The following AFAP1 variants were observed in gnomAD, a reference collection of about 807,000 sequenced individuals.
AFAP1 encodes the protein actin filament associated protein 1.
A neutral mutation model predicts 93.9 loss-of-function variants in AFAP1; 75 were observed. That is an observed-to-expected ratio of 0.80 (90% CI 0.66 to 0.97). The LOEUF (loss-of-function observed/expected upper bound fraction) is 0.97. AFAP1 is among the 50% of genes least tolerant of loss of function. AFAP1 has a pLI of 0.00. For synonymous variants in AFAP1, 517 were observed against 430.7 expected (o/e 1.20, Z -2.48); for missense variants, 1,201 against 1,050.8 (o/e 1.14, Z -1.98).
intron 1 of AFAP1, among the ~76,000 whole-genome samples, chr4:7,877,176 T>C (rs1717560668): frequency 1.3e-5 from 2 of 151,826 alleles, no homozygotes; most frequent in Admixed American, 6.6e-5. Context: ...CCTATGTTTA[T>C]CTCCTAACAC....
intron 11 of AFAP1, among the ~76,000 whole-genome samples, chr4:7,788,186 G>A (rs1169185277): frequency 1.3e-5 from 2 of 152,242 alleles, no homozygotes; most frequent in African/African-American, 4.8e-5. Flanking sequence ...GTAAATCCCA[G>A]GGAAGGGACC....
intron 16 of AFAP1, among the ~76,000 whole-genome samples, chr4:7,770,824 A>G (rs1557817): frequency 0.84 from 128,078 of 152,150 alleles, 54,193 homozygotes; most frequent in East Asian, 0.93. Flanking sequence ...GCAGGACAAA[A>G]GACAAGCAGC....
At chr4:7,871,382 G>T (rs1179940962) in intron 2 of AFAP1, among the ~76,000 whole-genome samples, 1 of 152,184 alleles carries the variant, frequency 6.6e-6, no homozygotes, top group Non-Finnish European at 1.5e-5. Flanking sequence ...TGGAATTCTG[G>T]TGTGTGATAG....
At chr4:7,878,838 G>A (rs181053015) in intron 1 of AFAP1, among the ~76,000 whole-genome samples, 25 of 152,204 alleles carry the variant, frequency 1.6e-4, no homozygotes, top group Admixed American at 1.6e-3. Flanking sequence ...ATCAGAACCA[G>A]CTGTCACTAC....
intron 1 of AFAP1, among the ~76,000 whole-genome samples, chr4:7,916,525 C>T (rs1720090993): frequency 6.6e-6 from 1 of 152,270 alleles, no homozygotes; most frequent in African/African-American, 2.4e-5. Context: ...TTTCCTGACC[C>T]AGCGAAACCA....
At chr4:7,935,786 G>A (rs1011276653) in intron 1 of AFAP1, among the ~76,000 whole-genome samples, 1 of 152,188 alleles carries the variant, frequency 6.6e-6, no homozygotes, top group Non-Finnish European at 1.5e-5. Flanking sequence ...ACCCCGGCCA[G>A]GGCTAGAGAA....
intron 7 of AFAP1, among the ~76,000 whole-genome samples, chr4:7,816,751 C>T (rs752739236): frequency 2.0e-5 from 3 of 152,214 alleles, no homozygotes; most frequent in Non-Finnish European, 2.9e-5. Context: ...AGGGAGTGGC[C>T]TCCAAACACC....
At chr4:7,812,251 C>G (rs902650076) in intron 8 of AFAP1, among the ~76,000 whole-genome samples, 9 of 152,116 alleles carry the variant, frequency 5.9e-5, no homozygotes, top group South Asian at 2.1e-4. Flanking sequence ...GGGGCACCCT[C>G]AGAAAGGCTG....
intron 2 of AFAP1, among the ~76,000 whole-genome samples, chr4:7,871,242 C>G (rs1717010069): frequency 6.6e-6 from 1 of 152,214 alleles, no homozygotes; most frequent in Non-Finnish European, 1.5e-5. Flanking sequence ...GCTGGCAAGG[C>G]TGGCCCTGGC....
intron 9 of AFAP1, 33 bp downstream of exon 9, chr4:7,809,581 C>CA: frequency 6.3e-7 from 1 of 1,597,516 alleles, no homozygotes; most frequent in Non-Finnish European, 8.5e-7. Context: ...CACTTAGGTG[C>CA]ACGCTGCTCG....
chr4:7,896,393 C>T (rs866308962), intron 1 of AFAP1, among the ~76,000 whole-genome samples: 1 of 152,016 alleles, frequency 6.6e-6, no homozygotes, highest in African/African-American at 2.4e-5. Flanking sequence ...GCACCTCCAA[C>T]GAGGGGTCTG....
At chr4:7,802,622 G>A (rs1719145061) in intron 9 of AFAP1, among the ~76,000 whole-genome samples, 1 of 149,124 alleles carries the variant, frequency 6.7e-6, no homozygotes, top group South Asian at 2.1e-4. Flanking sequence ...AAATGATGTA[G>A]TTCCAATACA....
At chr4:7,779,535 G>A (rs1280316968) in intron 13 of AFAP1, among the ~76,000 whole-genome samples, 6 of 152,204 alleles carry the variant, frequency 3.9e-5, no homozygotes, top group Non-Finnish European at 8.8e-5. Flanking sequence ...GTGCAGCTTA[G>A]CTGTGTAATT....
chr4:7,858,343 A>G (rs2149149167), intron 3 of AFAP1, among the ~76,000 whole-genome samples: 1 of 152,340 alleles, frequency 6.6e-6, no homozygotes, highest in African/African-American at 2.4e-5. Context: ...TTAAAAAATA[A>G]AACTACTTTC....
At chr4:7,924,401 T>C (rs1452504585) in intron 1 of AFAP1, among the ~76,000 whole-genome samples, 1 of 152,216 alleles carries the variant, frequency 6.6e-6, no homozygotes, top group African/African-American at 2.4e-5. Flanking sequence ...AACCACATAC[T>C]GGTGGACGAT....
chr4:7,902,062 T>C (rs1719143737), intron 1 of AFAP1, among the ~76,000 whole-genome samples: 1 of 152,234 alleles, frequency 6.6e-6, no homozygotes, highest in Non-Finnish European at 1.5e-5. Flanking sequence ...ATAGCTCTGC[T>C]TTCGAACTGC....
intron 4 of AFAP1, among the ~76,000 whole-genome samples, chr4:7,844,381 G>A (rs1270043565): frequency 1.3e-5 from 2 of 152,152 alleles, no homozygotes; most frequent in African/African-American, 2.4e-5. Flanking sequence ...GAACCCAACC[G>A]TGCTGGCAGT....
chr4:7,797,909 C>T (rs1414496118), intron 10 of AFAP1, among the ~76,000 whole-genome samples: 2 of 152,202 alleles, frequency 1.3e-5, no homozygotes, highest in East Asian at 1.9e-4. Context: ...AGAGTACACA[C>T]GCAGGGCTGT....
intron 3 of AFAP1, among the ~76,000 whole-genome samples, chr4:7,860,966 C>G (rs947418175): frequency 2.6e-5 from 4 of 152,220 alleles, no homozygotes; most frequent in African/African-American, 9.6e-5. Flanking sequence ...CGCCCTCTGT[C>G]TGCTGCTCCC....
Sources: gnomAD v4.1 joint callset for allele counts (sites outside exome capture counted in the v4.1 genomes callset) on GRCh38, gnomAD v4.1.1 for gene constraint, MANE v1.5 for transcripts, NCBI Gene and HGNC (gene_info 2026-07-23, HGNC 2026-07-21) for gene names.